The following RBM28 variants were observed in gnomAD, a reference collection of about 807,000 sequenced individuals.
RBM28 encodes RNA-binding protein 28.
In RBM28, 78 loss-of-function variants were observed where a neutral mutation model predicts 98.3. That is an observed-to-expected ratio of 0.79 (90% CI 0.66 to 0.96). RBM28 has a LOEUF of 0.96. Among genes scored for constraint, RBM28 ranks in the 40% least tolerant of loss-of-function variants. The pLI, the probability that RBM28 is intolerant of heterozygous loss-of-function variation, is 0.00. For missense variants in RBM28, 838 were observed against 913.0 expected (o/e 0.92, Z 1.06); for synonymous variants, 306 against 330.9 (o/e 0.92, Z 0.82).
rs1029059372 is a variant in RBM28 at position 128,327,747 on chromosome 7, G to A, written c.1130-1856C>T. Among the ~76,000 whole-genome samples, 8 of 152,244 alleles carry A rather than the reference G, an allele frequency of 5.3e-5. No homozygotes were observed. In the East Asian group the frequency reaches 1.3e-3, roughly 26 times the overall value. ...ACTCCCAACCTCAGGTGATCCGCCTGCCTTGGCCTCCCAAAGTGCTGGGAT... is the reference window on the plus strand; with the variant it reads ...ACTCCCAACCTCAGGTGATCCGCCTACCTTGGCCTCCCAAAGTGCTGGGAT... On this transcript the variant is annotated intron_variant, in intron 10 of 18. Coordinates refer to ENST00000223073, the MANE Select transcript of RBM28 (RefSeq NM_018077.3).
chr7:128,313,302 T>C (rs1011043396), intron 17 of RBM28, 28 bp from the exon 18 acceptor site: 4 of 1,595,404 alleles, frequency 2.5e-6, no homozygotes, highest in East Asian at 2.2e-5. Flanking sequence ...AGTGTCACCT[T>C]GAGTCCTTCT....
At chr7:128,314,672 A>T in intron 17 of RBM28, 92 bp downstream of exon 17, 2 of 1,591,470 alleles carry the variant, frequency 1.3e-6, no homozygotes, top group Non-Finnish European at 1.7e-6. Context: ...CTTTTCAACC[A>T]AACAAATGCC....
Position 128,337,150 on chromosome 7 carries a change from T to C in RBM28, c.594A>G (p.Thr198=), listed in dbSNP as rs745845045. 5.6e-6 allele frequency: 9 copies of C among 1,614,162 alleles called. No homozygotes were observed. Among genetic ancestry groups the C allele is most frequent in the South Asian group, 1.1e-5 (1 of 91,084 alleles). ...TCTTACCTATAGCAGAAACAGACTG[T>C]GTATCTTTATATTTATCCTTTGCCA... ...WAVAKDKYKD[T]QSVSAIGEEK... Residue 198 remains threonine, a synonymous_variant, in exon 6 of 19, where the codon ACA becomes ACG. Coordinates refer to ENST00000223073, the MANE Select transcript of RBM28 (RefSeq NM_018077.3).
chr7:128,299,508 G>A lies in RBM28; in HGVS notation c.*11289C>T, dbSNP rs1463279154. On this transcript the variant is annotated 3_prime_UTR_variant, in exon 19 of 19. Coordinates refer to ENST00000223073, the MANE Select transcript of RBM28 (RefSeq NM_018077.3). ...AGCCCTGGGAGGGGCAGTCTCTCCAGGATAATGCATTATAAAAACAACAAC... is the reference window on the plus strand; with the variant it reads ...AGCCCTGGGAGGGGCAGTCTCTCCAAGATAATGCATTATAAAAACAACAAC... 1 of 152,120 alleles carries A rather than the reference G, an allele frequency of 6.6e-6. No homozygotes were observed. The highest frequency in any genetic ancestry group is 1.5e-5 in the Non-Finnish European group (1 of 68,016). 9.4% of individuals were successfully genotyped at this position (152,120 alleles called of 1,614,324 possible). A position where few individuals can be genotyped will look rare whatever the true frequency, so the allele number is the denominator to read the frequency against.
intron 8 of RBM28, 139 bp downstream of exon 8, chr7:128,335,404 T>C (rs1796574074): frequency 9.4e-7 from 1 of 1,061,084 alleles, no homozygotes; most frequent in African/African-American, 1.6e-5. Context: ...AAAGGTTTCC[T>C]TTTCAGCATT....
chr7:128,338,881 A>C (rs1241550581), intron 3 of RBM28, 80 bp from the exon 4 acceptor site: 1 of 993,926 alleles, frequency 1.0e-6, no homozygotes, highest in Non-Finnish European at 1.6e-6. Flanking sequence ...TAAATTCATT[A>C]ATTATGAAAA....
chr7:128,313,079 C>CT, intron 18 of RBM28, 96 bp downstream of exon 18: 1 of 1,269,104 alleles, frequency 7.9e-7, no homozygotes, highest in South Asian at 1.2e-5. Context: ...AGAAGTCTTT[C>CT]TTTTTTTCTT....
In RBM28 at chr7:128,300,416, G is replaced by C. The variant is rs2116293317; in HGVS notation, c.*10381C>G. The C allele has an allele frequency of 6.6e-6, 1 of 152,452 alleles. No individual in the cohort carries two copies. Among genetic ancestry groups the C allele is most frequent in the East Asian group, 1.9e-4 (1 of 5,184 alleles). 9.4% of individuals were successfully genotyped at this position (152,452 alleles called of 1,614,324 possible). ...CTCCCAAGTGGCTTGAGCTCACTCTGCTCAGGACCCTCTGCAGCTCCTGGG... is the reference window on the plus strand; with the variant it reads ...CTCCCAAGTGGCTTGAGCTCACTCTCCTCAGGACCCTCTGCAGCTCCTGGG... On this transcript the variant is annotated 3_prime_UTR_variant, in exon 19 of 19. Coordinates refer to ENST00000223073, the MANE Select transcript of RBM28 (RefSeq NM_018077.3).
chr7:128,341,043 C>T, intron 1 of RBM28: 1 of 895,136 alleles, frequency 1.1e-6, no homozygotes, highest in Non-Finnish European at 1.5e-6. Flanking sequence ...TTTGGTTTAA[C>T]ATTTTGTATA....
Position 128,335,875 on chromosome 7 carries a change from C to G in RBM28, c.781G>C (p.Val261Leu), listed in dbSNP as rs372170509. 10 of 1,613,990 alleles carry G rather than the reference C, an allele frequency of 6.2e-6. No homozygotes were observed. The highest frequency in any genetic ancestry group is 2.7e-5 in the African/African-American group (2 of 74,924). Residue 261 changes from valine (V) to leucine (L), a missense_variant, in exon 7 of 19, where the codon GTG (valine) becomes CTG (leucine). Val to Leu is a conservative substitution (Grantham distance 32, BLOSUM62 1). Coordinates refer to ENST00000223073, the MANE Select transcript of RBM28 (RefSeq NM_018077.3). ...TTCTGAATTTGCACAGGCTTGGTCA[C>G]CTTTGATTCTATATTCTCTTCCTCT... The part of the protein sequence containing the change: ...DEEEENIESK[V>L]TKPVQIQKRA...
At position 128,338,829 on chromosome 7, in the gene RBM28, G is replaced by A. The variant is rs759092749; in HGVS notation, c.373-28C>T. 1.6e-4 allele frequency: 233 copies of A among 1,475,878 alleles called. 1 individual carries two copies. The highest frequency in any genetic ancestry group is 1.6e-4 in the Non-Finnish European group (171 of 1,058,200). 91.4% of individuals were successfully genotyped at this position (1,475,878 alleles called of 1,614,324 possible). ...GAAGCCAAAAGTGAAGAAAGAAAAA[G>A]AGAAACACAATCACAGCAAATTAAC... On this transcript the variant is annotated intron_variant, in intron 3 of 18. Coordinates refer to ENST00000223073, the MANE Select transcript of RBM28 (RefSeq NM_018077.3).
At chr7:128,340,506 C>A (rs1202104478) in intron 1 of RBM28, among the ~76,000 whole-genome samples, 1 of 152,156 alleles carries the variant, frequency 6.6e-6, no homozygotes, top group African/African-American at 2.4e-5. Context: ...ACTTCTCAGC[C>A]TCCAGAACTT....
rs1795808589 is a variant in RBM28, at chr7:128,303,532, A to G, written c.*7265T>C. On this transcript the variant is annotated 3_prime_UTR_variant, in exon 19 of 19. Coordinates refer to ENST00000223073, the MANE Select transcript of RBM28 (RefSeq NM_018077.3). The stretch of plus-strand genomic sequence containing the variant: ...ACACAACCAGGGCCTCATGATGACA[A>G]TTCTGCAAAACTGGTCCTTGGCTCG... The G allele has an allele frequency of 6.6e-6, 1 of 152,200 alleles. No individual in the cohort carries two copies. Among genetic ancestry groups the G allele is most frequent in the African/African-American group, 2.4e-5 (1 of 41,426 alleles). The allele number at this position is 152,200 out of a possible 1,614,324, so 9.4% of individuals were successfully genotyped here.
At chr7:128,342,364 C>T (rs1477086340) in intron 1 of RBM28, among the ~76,000 whole-genome samples, 1 of 152,236 alleles carries the variant, frequency 6.6e-6, no homozygotes, top group Non-Finnish European at 1.5e-5. Context: ...CCAGATCACA[C>T]TTACTGCTCT....
chr7:128,317,322 T>C (rs898490974), intron 16 of RBM28, among the ~76,000 whole-genome samples: 1 of 152,042 alleles, frequency 6.6e-6, no homozygotes, highest in African/African-American at 2.4e-5. Context: ...TAAAAGAAAA[T>C]ATGGAAGAGA....
chr7:128,335,436 A>G (rs1348053406), intron 8 of RBM28, 107 bp downstream of exon 8: 2 of 1,322,138 alleles, frequency 1.5e-6, no homozygotes, highest in African/African-American at 2.9e-5. Flanking sequence ...TTGATAGAAC[A>G]CCTTAGAGTC....
At chr7:128,342,468 G>C (rs1329816079) in intron 1 of RBM28, among the ~76,000 whole-genome samples, 1 of 152,010 alleles carries the variant, frequency 6.6e-6, no homozygotes, top group Non-Finnish European at 1.5e-5. Flanking sequence ...GATCACCTGA[G>C]GTCTCGAGTT....
In RBM28 at chr7:128,306,412, C is replaced by T. The variant is rs1448733617; in HGVS notation, c.*4385G>A. The T allele has an allele frequency of 6.6e-6, 1 of 152,242 alleles. No homozygotes were observed. The highest frequency in any genetic ancestry group is 2.4e-5 in the African/African-American group (1 of 41,444). 9.4% of individuals were successfully genotyped at this position (152,242 alleles called of 1,614,324 possible). ...TAGGAAATGACTCTGTTGTCCTTCA[C>T]AAGCCCAGCTAGGCCCTGGAACAAA... is the stretch of plus-strand genomic sequence containing the variant. On this transcript the variant is annotated 3_prime_UTR_variant, in exon 19 of 19. Transcript: ENST00000223073.
intron 18 of RBM28, among the ~76,000 whole-genome samples, chr7:128,311,426 C>T (rs537063805): frequency 2.1e-4 from 32 of 152,280 alleles, no homozygotes; most frequent in Admixed American, 1.6e-3. Flanking sequence ...GAGAAGCAAG[C>T]TTGACTTCAA....
Sources: gnomAD v4.1 joint callset for allele counts (sites outside exome capture counted in the v4.1 genomes callset) on GRCh38, gnomAD v4.1.1 for gene constraint, MANE v1.5 for transcripts, NCBI Gene and HGNC (gene_info 2026-07-23, HGNC 2026-07-21) for gene names.